AGBL4: variants seen among roughly 807,000 people sequenced by gnomAD.
AGBL4 encodes the protein AGBL carboxypeptidase 4, also known as cytosolic carboxypeptidase 6.
A neutral mutation model predicts 66.4 loss-of-function variants in AGBL4; 58 were observed. That is an observed-to-expected ratio of 0.87 (90% CI 0.71 to 1.09). AGBL4 has a LOEUF of 1.09. AGBL4 is among the 50% of genes least tolerant of loss of function. The probability of loss-of-function intolerance (pLI) is 0.00; values close to 1 mark genes in which losing one functional copy is unlikely to be tolerated. For missense variants in AGBL4, 579 were observed against 631.0 expected, an observed-to-expected ratio of 0.92 and a Z score of 0.88; for synonymous variants, 234 against 222.9, an observed-to-expected ratio of 1.05 and a Z score of -0.44.
intron 4 of AGBL4, among the ~76,000 whole-genome samples, chr1:49,183,133 A>G (rs1018512138): frequency 6.6e-6 from 1 of 152,188 alleles, no homozygotes; most frequent in Non-Finnish European, 1.5e-5. Context: ...TCCTGGCCAG[A>G]AGATGATGTT....
chr1:49,066,901 A>G (rs528076656), intron 4 of AGBL4, among the ~76,000 whole-genome samples: 14 of 152,200 alleles, frequency 9.2e-5, no homozygotes, highest in African/African-American at 2.4e-4. Flanking sequence ...TTAATTTTCT[A>G]TTTTCTGACT....
intron 1 of AGBL4, among the ~76,000 whole-genome samples, chr1:49,858,061 T>C (rs1646477344): frequency 6.6e-6 from 1 of 152,060 alleles, no homozygotes; most frequent in Admixed American, 6.6e-5. Context: ...ACAGCAGAAA[T>C]GACCAGATAT....
chr1:49,440,359 C>T (rs563976828), intron 3 of AGBL4, among the ~76,000 whole-genome samples: 18 of 152,276 alleles, frequency 1.2e-4, no homozygotes, highest in Admixed American at 2.6e-4. Flanking sequence ...TGAGCCACTG[C>T]GCCCAGCCAG....
At chr1:48,900,201 G>A (rs934737182) in intron 5 of AGBL4, among the ~76,000 whole-genome samples, 4 of 151,854 alleles carry the variant, frequency 2.6e-5, no homozygotes, top group Non-Finnish European at 4.4e-5. Context: ...GAAAGATGAG[G>A]CTAGAGAGGA....
At chr1:49,874,980 C>A (rs895451509) in intron 1 of AGBL4, among the ~76,000 whole-genome samples, 1 of 100,834 alleles carries the variant, frequency 9.9e-6, no homozygotes, top group Non-Finnish European at 2.0e-5. Flanking sequence ...CCCCCCTCCC[C>A]CCACCCCACA....
At chr1:49,841,573 T>C (rs1645990469) in intron 2 of AGBL4, among the ~76,000 whole-genome samples, 1 of 152,092 alleles carries the variant, frequency 6.6e-6, no homozygotes, top group African/African-American at 2.4e-5. Flanking sequence ...GGAGAAATCA[T>C]ACTATCTAAC....
chr1:48,735,970 TC>T (rs1416812077), intron 6 of AGBL4, among the ~76,000 whole-genome samples: 1 of 152,158 alleles, frequency 6.6e-6, no homozygotes, highest in East Asian at 1.9e-4. Flanking sequence ...TATCCTCCCC[TC>T]CTGAGAACTC....
At chr1:48,784,625 ATGTAAAG>A (rs1386585722) in intron 6 of AGBL4, among the ~76,000 whole-genome samples, 1 of 152,250 alleles carries the variant, frequency 6.6e-6, no homozygotes, top group Non-Finnish European at 1.5e-5. Context: ...ATTATATAAA[ATGTAAAG>A]TGTAGAAGCG....
intron 2 of AGBL4, among the ~76,000 whole-genome samples, chr1:49,762,414 C>CTTTTT (rs759348883): frequency 7.2e-6 from 1 of 139,300 alleles, no homozygotes; most frequent in Non-Finnish European, 1.6e-5. Flanking sequence ...CAATTTTCTT[C>CTTTTT]TTTTTTTTTT....
intron 5 of AGBL4, among the ~76,000 whole-genome samples, chr1:48,870,816 A>G (rs2148828286): frequency 6.6e-6 from 1 of 152,308 alleles, no homozygotes; most frequent in South Asian, 2.1e-4. Flanking sequence ...GCACAAGCAG[A>G]TATGCGTAGG....
Position 49,102,417 on chromosome 1 carries a change from TA to T in AGBL4, c.378-56618del, listed in dbSNP as rs1352945999. ...TTTGAAATAAAAGTTTTGTTATTGT[TA>T]TTTATTTTCAAGCTTCCCAGCACGT... On this transcript the variant is annotated intron_variant, in intron 4 of 13. Transcript: ENST00000371839. Among the ~76,000 whole-genome samples, 9 of 152,306 alleles carry T rather than the reference TA, an allele frequency of 5.9e-5. No individual in the cohort carries two copies. In the South Asian group the frequency reaches 1.2e-3, roughly 21 times the overall value.
chr1:49,616,153 T>A (rs984262733), intron 3 of AGBL4, among the ~76,000 whole-genome samples: 1 of 152,162 alleles, frequency 6.6e-6, no homozygotes, highest in Non-Finnish European at 1.5e-5. Context: ...ATATTCTTTA[T>A]ATCATTTAAT....
chr1:48,766,953 T>C (rs1253857613), intron 6 of AGBL4, among the ~76,000 whole-genome samples: 2 of 152,202 alleles, frequency 1.3e-5, no homozygotes, highest in Non-Finnish European at 2.9e-5. Flanking sequence ...ATGCAAGGTG[T>C]GACTTCGTGA....
At chr1:49,007,609 G>C (rs1234735016) in intron 5 of AGBL4, among the ~76,000 whole-genome samples, 1 of 151,970 alleles carries the variant, frequency 6.6e-6, no homozygotes, top group African/African-American at 2.4e-5. Context: ...AGGAAAAAAT[G>C]TTAAGGGAAG....
intron 3 of AGBL4, among the ~76,000 whole-genome samples, chr1:49,655,843 T>A (rs1484705295): frequency 6.6e-6 from 1 of 152,012 alleles, no homozygotes; most frequent in Non-Finnish European, 1.5e-5. Flanking sequence ...TTCAAATAGA[T>A]GCAATAAAAA....
intron 3 of AGBL4, among the ~76,000 whole-genome samples, chr1:49,590,832 C>T (rs1244481105): frequency 6.6e-6 from 1 of 151,794 alleles, no homozygotes; most frequent in African/African-American, 2.4e-5. Flanking sequence ...AAAATATCAA[C>T]TGAGAATGAA....
intron 3 of AGBL4, among the ~76,000 whole-genome samples, chr1:49,638,590 G>A (rs1396812764): frequency 6.6e-6 from 1 of 152,132 alleles, no homozygotes; most frequent in African/African-American, 2.4e-5. Context: ...TGAATCATGG[G>A]TTCCAGTTTT....
intron 5 of AGBL4, among the ~76,000 whole-genome samples, chr1:48,981,022 T>C (rs1659723806): frequency 1.3e-5 from 2 of 152,022 alleles, no homozygotes; most frequent in Non-Finnish European, 2.9e-5. Context: ...TTGGTCCTGG[T>C]AATTCCTACA....
At chr1:49,176,578 T>C (rs1378651446) in intron 4 of AGBL4, among the ~76,000 whole-genome samples, 2 of 152,172 alleles carry the variant, frequency 1.3e-5, no homozygotes, top group Admixed American at 1.3e-4. Flanking sequence ...GAAGTAATGA[T>C]TTGACTTCCC....
Sources: allele counts gnomAD v4.1 joint callset (sites outside exome capture counted in the v4.1 genomes callset), GRCh38; gene constraint gnomAD v4.1.1; transcripts MANE v1.5; gene names NCBI Gene and HGNC (gene_info 2026-07-23, HGNC 2026-07-21).